Variants in AGBL1 observed in about 807,000 individuals in gnomAD.
AGBL1 encodes cytosolic carboxypeptidase 4.
A neutral mutation model predicts 118.9 loss-of-function variants in AGBL1; 130 were observed. The ratio of observed to expected loss-of-function variants is 1.09; its 90% CI spans 0.95 to 1.26. The LOEUF is 1.26. Ranked by LOEUF, AGBL1 falls within the 50% of genes most tolerant of loss-of-function variation. The pLI, the probability that AGBL1 is intolerant of heterozygous loss-of-function variation, is 0.00. For synonymous variants in AGBL1, 555 were observed against 478.9 expected, an observed-to-expected ratio of 1.16 and a Z score of -2.08; for missense variants, 1,584 against 1,298.1, an observed-to-expected ratio of 1.22 and a Z score of -3.38.
intron 18 of AGBL1, among the ~76,000 whole-genome samples, chr15:86,423,748 A>T (rs1054560574): frequency 6.6e-6 from 1 of 152,212 alleles, no homozygotes; most frequent in Non-Finnish European, 1.5e-5. Flanking sequence ...AATAACAGAC[A>T]GAGAGCCAAA....
intron 6 of AGBL1, among the ~76,000 whole-genome samples, chr15:86,246,547 T>C (rs560544035): frequency 6.6e-6 from 1 of 152,168 alleles, no homozygotes; most frequent in Non-Finnish European, 1.5e-5. Context: ...CCATTGGGTT[T>C]TACTGTGGTC....
At chr15:86,236,095 G>A (rs1363866944) in intron 6 of AGBL1, among the ~76,000 whole-genome samples, 2 of 152,024 alleles carry the variant, frequency 1.3e-5, no homozygotes, top group African/African-American at 4.8e-5. Context: ...ACTTTTTTTT[G>A]AAAGAAATGA....
At chr15:86,769,105 A>G (rs2078135867) in intron 22 of AGBL1, among the ~76,000 whole-genome samples, 1 of 151,340 alleles carries the variant, frequency 6.6e-6, no homozygotes, top group African/African-American at 2.4e-5. Context: ...TGGGACCTGT[A>G]CATGCAATGG....
In AGBL1 at chr15:86,912,999, C is replaced by T. The variant is rs1277779738; in HGVS notation, c.*5705C>T. ...TGCAGTTTGGTTCATGCTACCAATGCTTGATAAAAAGTGTTCTTTAGAAAA... is the reference window on the plus strand; with the variant it reads ...TGCAGTTTGGTTCATGCTACCAATGTTTGATAAAAAGTGTTCTTTAGAAAA... On this transcript the variant is annotated 3_prime_UTR_variant, in exon 23 of 23. Coordinates refer to ENST00000614907, the MANE Select transcript of AGBL1 (RefSeq NM_001386094.1). 1 of 151,896 alleles carries T rather than the reference C, an allele frequency of 6.6e-6. No individual in the cohort carries two copies. The highest frequency in any genetic ancestry group is 1.5e-5 in the Non-Finnish European group (1 of 68,004). The allele number at this position is 151,896 out of a possible 1,614,324, so 9.4% of individuals were successfully genotyped here.
chr15:86,490,792 A>T (rs1489520257), intron 18 of AGBL1, among the ~76,000 whole-genome samples: 1 of 151,204 alleles, frequency 6.6e-6, no homozygotes, highest in Non-Finnish European at 1.5e-5. Context: ...GTATTAAAAC[A>T]ACATAGACTT....
At chr15:86,563,244 A>G (rs916556857) in intron 21 of AGBL1, among the ~76,000 whole-genome samples, 4 of 151,936 alleles carry the variant, frequency 2.6e-5, no homozygotes, top group African/African-American at 4.8e-5. Flanking sequence ...TTAGGGTGTC[A>G]GTTTTAGATC....
intron 1 of AGBL1, chr15:86,107,420 C>A (rs569568605): frequency 3.1e-4 from 47 of 152,224 alleles, no homozygotes; most frequent in African/African-American, 1.1e-3. Flanking sequence ...CCTTAGTGTC[C>A]TCATCTATAA....
At chr15:86,817,667 A>G (rs765413896) in intron 22 of AGBL1, among the ~76,000 whole-genome samples, 1 of 151,564 alleles carries the variant, frequency 6.6e-6, no homozygotes, top group Non-Finnish European at 1.5e-5. Flanking sequence ...ACACACACAC[A>G]GAAAGAGACA....
At chr15:86,695,973 T>C (rs1425417506) in intron 22 of AGBL1, among the ~76,000 whole-genome samples, 2 of 152,066 alleles carry the variant, frequency 1.3e-5, no homozygotes, top group Non-Finnish European at 2.9e-5. Flanking sequence ...TGATATAATT[T>C]AGATTTTCTT....
At chr15:86,807,127 C>G (rs902506704) in intron 22 of AGBL1, among the ~76,000 whole-genome samples, 1 of 152,046 alleles carries the variant, frequency 6.6e-6, no homozygotes, top group East Asian at 1.9e-4. Context: ...TGATCTTGAA[C>G]ATAGGGGTGG....
chr15:86,187,494 G>A (rs2077651309), intron 5 of AGBL1, among the ~76,000 whole-genome samples: 1 of 152,062 alleles, frequency 6.6e-6, no homozygotes, highest in Non-Finnish European at 1.5e-5. Flanking sequence ...GTTCAAGAGT[G>A]GGCTCCCTCT....
intron 22 of AGBL1, among the ~76,000 whole-genome samples, chr15:86,706,847 A>G (rs2086458015): frequency 6.6e-6 from 1 of 152,148 alleles, no homozygotes; most frequent in Non-Finnish European, 1.5e-5. Context: ...GTGGAATATT[A>G]GAAACACCTA....
chr15:86,364,590 C>G (rs1336628777), intron 17 of AGBL1, among the ~76,000 whole-genome samples: 1 of 152,134 alleles, frequency 6.6e-6, no homozygotes, highest in African/African-American at 2.4e-5. Context: ...TTCTTTCCTA[C>G]AGACTCTTTA....
chr15:86,809,896 C>G (rs537211361), intron 22 of AGBL1, among the ~76,000 whole-genome samples: 3 of 152,004 alleles, frequency 2.0e-5, no homozygotes, highest in Non-Finnish European at 4.4e-5. Flanking sequence ...TTTTATATGT[C>G]GTTTGGCCAA....
At chr15:86,410,593 A>G (rs1172826500) in intron 18 of AGBL1, among the ~76,000 whole-genome samples, 1 of 151,516 alleles carries the variant, frequency 6.6e-6, no homozygotes, top group Admixed American at 6.6e-5. Flanking sequence ...AAAACTATTA[A>G]GTACTGAACA....
At chr15:86,748,011 G>A (rs771962968) in intron 22 of AGBL1, among the ~76,000 whole-genome samples, 1 of 152,130 alleles carries the variant, frequency 6.6e-6, no homozygotes, top group African/African-American at 2.4e-5. Context: ...GGATTGCTGG[G>A]TCAAATGGTA....
In AGBL1 at chr15:86,546,832, A is replaced by G. The variant is rs560783745; in HGVS notation, c.2817+699A>G. ...TATTGCATAATGAGAATCAGGAAGA[A>G]GCAAAGTTGCCCAAACACTAAATGA... On this transcript the variant is annotated intron_variant, in intron 20 of 22. Coordinates refer to ENST00000614907, the MANE Select transcript of AGBL1 (RefSeq NM_001386094.1). Among the ~76,000 whole-genome samples the G allele has an allele frequency of 1.4e-3, 215 of 152,352 alleles. 6 individuals are homozygous for G. The South Asian group carries it at 0.043, about 31-fold the overall frequency.
chr15:86,418,092 T>G lies in AGBL1; in HGVS notation c.2555+20546T>G, dbSNP rs114935042. On this transcript the variant is annotated intron_variant, in intron 18 of 22. Transcript: ENST00000614907. Reference sequence around the variant, plus strand: ...TTTGGAGACCACTTTGGATCTTGAATCTGCTATCCATTTCATTTGGCTTTC... The same window carrying G: ...TTTGGAGACCACTTTGGATCTTGAAGCTGCTATCCATTTCATTTGGCTTTC... Among the ~76,000 whole-genome samples, 673 of 152,316 alleles carry G rather than the reference T, an allele frequency of 4.4e-3. 8 individuals carry two copies. Among genetic ancestry groups the G allele is most frequent in the African/African-American group, 0.015 (642 of 41,570 alleles).
chr15:86,674,155 A>G (rs754482057), intron 21 of AGBL1, 118 bp from the exon 22 acceptor site: 7 of 972,792 alleles, frequency 7.2e-6, no homozygotes, highest in South Asian at 3.2e-5. Flanking sequence ...GACAAATACA[A>G]TTAATTCTCA....
Sources: allele counts gnomAD v4.1 joint callset (sites outside exome capture counted in the v4.1 genomes callset), GRCh38; gene constraint gnomAD v4.1.1; transcripts MANE v1.5; gene names NCBI Gene and HGNC (gene_info 2026-07-23, HGNC 2026-07-21).